MSS51: variants seen among roughly 807,000 people sequenced by gnomAD.
The protein encoded by MSS51 is putative protein MSS51 homolog, mitochondrial.
In MSS51, 32 loss-of-function variants were observed where a neutral mutation model predicts 40.2. The ratio of observed to expected loss-of-function variants is 0.80; its 90% CI spans 0.60 to 1.07. The LOEUF (loss-of-function observed/expected upper bound fraction) is 1.07. Among genes scored for constraint, MSS51 ranks in the 50% least tolerant of loss-of-function variants. The probability of loss-of-function intolerance (pLI) is 0.00; values close to 1 mark genes in which losing one functional copy is unlikely to be tolerated. For missense variants in MSS51, 518 were observed against 568.9 expected (o/e 0.91, Z 0.91); for synonymous variants, 178 against 214.2 (o/e 0.83, Z 1.48).
Position 73,424,346 on chromosome 10 carries a change from C to T in MSS51, c.*207G>A. ...GAGTCGAGATCATGCCGCTGCACTC[C>T]AGCCTGGGCAACAGAGCAAGACTCC... is the stretch of plus-strand genomic sequence containing the variant. On this transcript the variant is annotated 3_prime_UTR_variant, in exon 7 of 7. Transcript: ENST00000299432. 1.9e-6 allele frequency: 1 copy of T among 520,186 alleles called. No individual in the cohort carries two copies. Among genetic ancestry groups the T allele is most frequent in the South Asian group, 2.1e-5 (1 of 46,676 alleles). The allele number at this position is 520,186 out of a possible 1,614,324, so 32.2% of individuals were successfully genotyped here.
chr10:73,426,306 A>G lies in MSS51; in HGVS notation c.574T>C (p.Ser192Pro), dbSNP rs775927763. The G allele has an allele frequency of 2.5e-6, 4 of 1,606,910 alleles. No individual in the cohort carries two copies. The Admixed American group carries it at 5.0e-5, about 20-fold the overall frequency. The change falls in exon 5 of 7, where the codon TCT becomes CCT. Residue 192 changes from serine to proline, a missense_variant. Ser to Pro is a moderately conservative substitution (Grantham distance 74). Transcript: ENST00000299432. ...EAVQDWDSWF[S>P]MKGLHLDATL... is the part of the protein sequence containing the mutation. ...GCATCTAGGTGTAACCCCTTCATAG[A>G]AAACCAGGAGTCCCAGTCCTGTACA...
intron 1 of MSS51, among the ~76,000 whole-genome samples, chr10:73,429,963 C>T (rs1397375928): frequency 1.3e-5 from 2 of 152,046 alleles, no homozygotes; most frequent in Non-Finnish European, 2.9e-5. Flanking sequence ...CTTCATGAAG[C>T]AGGTGGCAGT....
intron 4 of MSS51, 53 bp from the exon 5 acceptor site, chr10:73,426,430 T>G: frequency 6.3e-7 from 1 of 1,580,402 alleles, no homozygotes; most frequent in South Asian, 1.1e-5. Flanking sequence ...GCTTCAAAAT[T>G]TCCCCCTCAC....
Position 73,428,081 on chromosome 10 carries a change from T to G in MSS51, c.204A>C (p.Lys68Asn). The G allele has an allele frequency of 1.2e-6, 2 of 1,614,116 alleles. No homozygotes were observed. The highest frequency in any genetic ancestry group is 1.7e-6 in the Non-Finnish European group (2 of 1,180,010). The change falls in exon 2 of 7, where the codon AAA (lysine) becomes AAC (asparagine). Residue 68 changes from lysine to asparagine, a missense_variant. Transcript: ENST00000299432. ...TCACTCACTTATATTCTTCATAGCT[T>G]TTCATGTTCAGCTTTTGAAGGATCA... ...SQLILQKLNM[K>N]SYEEYKLVVD...
intron 1 of MSS51, 135 bp from the exon 2 acceptor site, chr10:73,428,436 A>G: frequency 1.5e-6 from 1 of 659,690 alleles, no homozygotes; most frequent in South Asian, 2.1e-5. Context: ...TTTATTCAGT[A>G]TTTACTGGTT....
chr10:73,426,523 T>C (rs750298145), intron 4 of MSS51, 84 bp downstream of exon 4: 4 of 1,600,008 alleles, frequency 2.5e-6, no homozygotes, highest in Non-Finnish European at 3.4e-6. Flanking sequence ...CCTCATTTTT[T>C]CATAACAATA....
At chr10:73,429,731 C>T (rs1361575546) in intron 1 of MSS51, 1 of 454,706 alleles carries the variant, frequency 2.2e-6, no homozygotes, top group African/African-American at 2.0e-5. Context: ...TTAAAATGTC[C>T]ATTCATGTAA....
At chr10:73,428,389 C>T (rs2056005898) in intron 1 of MSS51, 88 bp from the exon 2 acceptor site, 1 of 1,023,286 alleles carries the variant, frequency 9.8e-7, no homozygotes, top group Non-Finnish European at 1.4e-6. Context: ...CCTTTCATTT[C>T]TCATTCCAGT....
At position 73,424,628 on chromosome 10, in the gene MSS51, G is replaced by C; in HGVS notation, c.1308C>G (p.Tyr436Ter). ...PNKQPVYCSAYYIMFLGSSCQ... is the reference protein window; with the variant it reads ...PNKQPVYCSA ...AGGAGCTTCCAAGAAACATGATATAGTATGCACTGCAGTATACTGGCTGCT... is the reference window on the plus strand; with the variant it reads ...AGGAGCTTCCAAGAAACATGATATACTATGCACTGCAGTATACTGGCTGCT... Residue 436 changes from tyrosine (Y) to a stop codon, truncating the protein, a stop_gained, in exon 7 of 7, where the codon TAC becomes TAG. Transcript: ENST00000299432. LOFTEE classifies it high-confidence loss of function. 6.2e-7 allele frequency: 1 copy of C among 1,614,104 alleles called. No individual in the cohort carries two copies. Among genetic ancestry groups the C allele is most frequent in the Non-Finnish European group, 8.5e-7 (1 of 1,180,000 alleles).
At chr10:73,430,813 T>C (rs570375855) in intron 1 of MSS51, among the ~76,000 whole-genome samples, 2 of 152,266 alleles carry the variant, frequency 1.3e-5, no homozygotes, top group South Asian at 2.1e-4. Context: ...CAAATACTTA[T>C]ATGTGAATGT....
Position 73,424,337 on chromosome 10 carries a change from G to A in MSS51, c.*216C>T, listed in dbSNP as rs899247095. The A allele has an allele frequency of 5.8e-5, 29 of 496,490 alleles. No individual in the cohort carries two copies. Among genetic ancestry groups the A allele is most frequent in the Middle Eastern group, 5.7e-4 (1 of 1,742 alleles). 30.8% of individuals were successfully genotyped at this position (496,490 alleles called of 1,614,324 possible). A position where few individuals can be genotyped will look rare whatever the true frequency, so the allele number is the denominator to read the frequency against. On this transcript the variant is annotated 3_prime_UTR_variant, in exon 7 of 7. Coordinates refer to ENST00000299432, the MANE Select transcript of MSS51 (RefSeq NM_001024593.2). ...GGCTGCAGTGAGTCGAGATCATGCC[G>A]CTGCACTCCAGCCTGGGCAACAGAG...
intron 5 of MSS51, among the ~76,000 whole-genome samples, 194 bp from the exon 6 acceptor site, chr10:73,425,385 T>C (rs923810894): frequency 6.6e-6 from 1 of 151,994 alleles, no homozygotes; most frequent in Non-Finnish European, 1.5e-5. Context: ...CAAGAAAAGT[T>C]GTCATCAGGC....
At chr10:73,429,887 A>G (rs1589675508) in intron 1 of MSS51, among the ~76,000 whole-genome samples, 1 of 152,222 alleles carries the variant, frequency 6.6e-6, no homozygotes, top group East Asian at 1.9e-4. Context: ...AAGTGCAACT[A>G]AAGCACTAAT....
intron 4 of MSS51, 53 bp from the exon 5 acceptor site, chr10:73,426,430 T>A (rs1433264434): frequency 2.5e-6 from 4 of 1,580,284 alleles, no homozygotes; most frequent in Non-Finnish European, 3.4e-6. Context: ...GCTTCAAAAT[T>A]TCCCCCTCAC....
At chr10:73,424,949 G>A in intron 6 of MSS51, 149 bp downstream of exon 6, 1 of 797,704 alleles carries the variant, frequency 1.3e-6, no homozygotes, top group Non-Finnish European at 2.1e-6. Context: ...AACTAGCAAA[G>A]GACTGTTCCA....
rs369861643 is a variant in MSS51 at position 73,424,745 on chromosome 10, C to G, written c.1191G>C (p.Gln397His). ...TGTGTGTATCCAGTTCCACCAGAAT[C>G]TGCAAAGAGGATACCAACTCCTGAT... ...YSHQELVSSL[Q>H]ILVELDTHIT... is the part of the protein sequence containing the mutation. Residue 397 changes from glutamine to histidine, a missense_variant, in exon 7 of 7, where the codon CAG becomes CAC. Coordinates refer to ENST00000299432, the MANE Select transcript of MSS51 (RefSeq NM_001024593.2). The G allele has an allele frequency of 1.9e-6, 3 of 1,613,926 alleles. No homozygotes were observed. The highest frequency in any genetic ancestry group is 2.5e-6 in the Non-Finnish European group (3 of 1,179,928).
chr10:73,433,356 AAG>A (rs1491302558), intron 1 of MSS51, among the ~76,000 whole-genome samples, 155 bp downstream of exon 1: 4 of 152,148 alleles, frequency 2.6e-5, no homozygotes, highest in Non-Finnish European at 5.9e-5. Flanking sequence ...AGATCCTTAT[AAG>A]GGGGTAGGAA....
In MSS51 at chr10:73,424,303, G is replaced by C. The variant is rs200600398; in HGVS notation, c.*250C>G. On this transcript the variant is annotated 3_prime_UTR_variant, in exon 7 of 7. Transcript: ENST00000299432. ...GAGGCAGGAGAACCACTTGAACCCAGGAGGCGGAGGCTGCAGTGAGTCGAG... is the reference window on the plus strand; with the variant it reads ...GAGGCAGGAGAACCACTTGAACCCACGAGGCGGAGGCTGCAGTGAGTCGAG... 5.6e-4 allele frequency: 226 copies of C among 406,802 alleles called. 1 individual carries two copies. The East Asian group carries it at 0.011, about 19-fold the overall frequency. 25.2% of individuals were successfully genotyped at this position (406,802 alleles called of 1,614,324 possible).
At chr10:73,433,314 T>C (rs181393691) in intron 1 of MSS51, among the ~76,000 whole-genome samples, 199 bp downstream of exon 1, 9 of 151,932 alleles carry the variant, frequency 5.9e-5, no homozygotes, top group African/African-American at 2.2e-4. Context: ...TTTGGAGAGG[T>C]AGGGAGAAGG....
Sources: allele counts gnomAD v4.1 joint callset (sites outside exome capture counted in the v4.1 genomes callset), GRCh38; gene constraint gnomAD v4.1.1; transcripts MANE v1.5; gene names NCBI Gene and HGNC (gene_info 2026-07-23, HGNC 2026-07-21).